The following PLCB4 variants were observed in gnomAD, a reference collection of about 807,000 sequenced individuals.
The protein encoded by PLCB4 is 1-phosphatidylinositol 4,5-bisphosphate phosphodiesterase beta-4.
PLCB4 carries 77 observed loss-of-function variants against 178.8 expected under a neutral mutation model. That is an observed-to-expected ratio of 0.43 (90% CI 0.36 to 0.52). The LOEUF is 0.52. Ranked by LOEUF, PLCB4 falls within the 20% of genes least tolerant of loss-of-function variation. The pLI is 0.00. For missense variants in PLCB4, 1,024 were observed against 1,453.4 expected, an observed-to-expected ratio of 0.70 and a Z score of 4.80; for synonymous variants, 496 against 490.8, an observed-to-expected ratio of 1.01 and a Z score of -0.14.
intron 2 of PLCB4, among the ~76,000 whole-genome samples, chr20:9,108,780 G>A (rs1426591887): frequency 6.6e-6 from 1 of 151,822 alleles, no homozygotes; most frequent in Non-Finnish European, 1.5e-5. Flanking sequence ...ATATAAGCTG[G>A]TTGATCCAGG....
rs145576721 is a variant in PLCB4 at position 9,316,911 on chromosome 20, T to C, written c.84+9013T>C. On this transcript the variant is annotated intron_variant, in intron 4 of 39. Transcript: ENST00000378473. Reference sequence around the variant, plus strand: ...TCATGCTCCCAAAGCTCAGAGCTCATTGTCATCCAAGCATGAGACCTTTAA... The same window carrying C: ...TCATGCTCCCAAAGCTCAGAGCTCACTGTCATCCAAGCATGAGACCTTTAA... 5.9e-5 allele frequency among the ~76,000 whole-genome samples: 9 copies of C among 152,316 alleles called. No homozygotes were observed. The East Asian group carries it at 1.7e-3, about 29-fold the overall frequency.
At chr20:9,329,387 C>T (rs2031279818) in intron 4 of PLCB4, among the ~76,000 whole-genome samples, 1 of 152,156 alleles carries the variant, frequency 6.6e-6, no homozygotes, top group African/African-American at 2.4e-5. Context: ...AAAAATGGTA[C>T]CTCCCTCATA....
At chr20:9,136,029 A>G (rs918280788) in intron 2 of PLCB4, among the ~76,000 whole-genome samples, 7 of 152,134 alleles carry the variant, frequency 4.6e-5, no homozygotes, top group Admixed American at 3.9e-4. Flanking sequence ...CAAGCTGGGG[A>G]CTAGAAGTCA....
chr20:9,421,973 C>T (rs1309548949), intron 27 of PLCB4, among the ~76,000 whole-genome samples: 2 of 152,100 alleles, frequency 1.3e-5, no homozygotes, highest in East Asian at 1.9e-4. Flanking sequence ...CTCCTAATAC[C>T]GTATGTTGGA....
intron 3 of PLCB4, among the ~76,000 whole-genome samples, chr20:9,273,338 T>A (rs552375894): frequency 6.6e-6 from 1 of 152,260 alleles, no homozygotes; most frequent in Admixed American, 6.5e-5. Context: ...AAGTAAGCAC[T>A]GTGATTATTC....
At chr20:9,365,611 G>T in intron 9 of PLCB4, 97 bp downstream of exon 9, 1 of 627,242 alleles carries the variant, frequency 1.6e-6, no homozygotes, top group Non-Finnish European at 2.8e-6. Flanking sequence ...TGTGTTAAAT[G>T]CTTTAAAGAT....
At chr20:9,271,633 C>T (rs146014508) in intron 3 of PLCB4, among the ~76,000 whole-genome samples, 193 of 152,124 alleles carry the variant, frequency 1.3e-3, no homozygotes, top group Middle Eastern at 0.01. Flanking sequence ...AAAATGTTTC[C>T]GAACAATGTG....
rs1446039217 is a variant in PLCB4 at position 9,239,757 on chromosome 20, T to C, written c.-16+22305T>C. Among the ~76,000 whole-genome samples the C allele has an allele frequency of 3.3e-5, 5 of 152,166 alleles. No individual in the cohort carries two copies. The East Asian group carries it at 9.6e-4, about 29-fold the overall frequency. On this transcript the variant is annotated intron_variant, in intron 3 of 39. Transcript: ENST00000378473. ...AAGCTGAGGAGCAAGGAAGCCAGTC[T>C]GAGTCTCAAAACCTCAAAAGTAGGG...
At chr20:9,424,796 G>C (rs879620285) in intron 28 of PLCB4, among the ~76,000 whole-genome samples, 1 of 152,146 alleles carries the variant, frequency 6.6e-6, no homozygotes, top group Non-Finnish European at 1.5e-5. Flanking sequence ...GCGCATGGGG[G>C]TGGGCGGGGT....
intron 2 of PLCB4, among the ~76,000 whole-genome samples, chr20:9,152,420 C>A (rs2092707204): frequency 6.6e-6 from 1 of 152,080 alleles, no homozygotes; most frequent in Non-Finnish European, 1.5e-5. Flanking sequence ...GGACATAGTG[C>A]CTTGTGTCCA....
chr20:9,377,265 C>T (rs1162263897), intron 12 of PLCB4, among the ~76,000 whole-genome samples: 1 of 152,116 alleles, frequency 6.6e-6, no homozygotes, highest in Non-Finnish European at 1.5e-5. Flanking sequence ...TTACAAAGCA[C>T]TGGATACCAT....
intron 20 of PLCB4, among the ~76,000 whole-genome samples, chr20:9,403,104 A>G (rs2039163646): frequency 6.6e-6 from 1 of 152,180 alleles, no homozygotes; most frequent in Non-Finnish European, 1.5e-5. Flanking sequence ...TGCCTGGTAC[A>G]TGGTAACTCC....
At chr20:9,114,594 G>A (rs2146710853) in intron 2 of PLCB4, among the ~76,000 whole-genome samples, 1 of 152,254 alleles carries the variant, frequency 6.6e-6, no homozygotes, top group Non-Finnish European at 1.5e-5. Flanking sequence ...TACTCAGCAA[G>A]GTAATGAGTG....
chr20:9,389,966 G>T lies in PLCB4; in HGVS notation c.1238+8G>T. On this transcript the variant is annotated splice_region_variant and intron_variant, in intron 16 of 39. Coordinates refer to ENST00000378473, the MANE Select transcript of PLCB4 (RefSeq NM_001377142.1). Reference sequence around the variant, plus strand: ...CTTTGAAAATCACTGCAGGTATAATGATCCATTCTGCCACAAGTCTCTATG... The same window carrying T: ...CTTTGAAAATCACTGCAGGTATAATTATCCATTCTGCCACAAGTCTCTATG... The T allele has an allele frequency of 7.0e-7, 1 of 1,437,530 alleles. No homozygotes were observed. The highest frequency in any genetic ancestry group is 1.1e-5 in the South Asian group (1 of 87,282). 89.0% of individuals were successfully genotyped at this position (1,437,530 alleles called of 1,614,324 possible).
intron 14 of PLCB4, among the ~76,000 whole-genome samples, chr20:9,386,181 G>A (rs78539639): frequency 6.6e-6 from 1 of 151,954 alleles, no homozygotes. Flanking sequence ...GAAGTCCGGG[G>A]CAGGGAGGCT....
At chr20:9,311,667 T>A (rs1479483023) in intron 4 of PLCB4, among the ~76,000 whole-genome samples, 1 of 152,180 alleles carries the variant, frequency 6.6e-6, no homozygotes, top group Non-Finnish European at 1.5e-5. Flanking sequence ...TCCCTCCTCA[T>A]CCTGGAGCTG....
chr20:9,475,652 G>A (rs762104549), intron 38 of PLCB4, among the ~76,000 whole-genome samples: 1 of 152,172 alleles, frequency 6.6e-6, no homozygotes, highest in Non-Finnish European at 1.5e-5. Flanking sequence ...GAGTTTCTGT[G>A]TTAAGCTTTG....
intron 30 of PLCB4, among the ~76,000 whole-genome samples, chr20:9,439,511 G>A (rs1473472925): frequency 1.3e-5 from 2 of 152,194 alleles, no homozygotes; most frequent in Non-Finnish European, 2.9e-5. Flanking sequence ...GATTTTATCT[G>A]ATCTAAGAAG....
At chr20:9,362,079 C>T (rs1251445577) in intron 7 of PLCB4, among the ~76,000 whole-genome samples, 1 of 152,186 alleles carries the variant, frequency 6.6e-6, no homozygotes, top group East Asian at 1.9e-4. Context: ...AAGGAATCAG[C>T]TTATGTGTGG....
Sources: gnomAD v4.1 joint callset for allele counts (sites outside exome capture counted in the v4.1 genomes callset) on GRCh38, gnomAD v4.1.1 for gene constraint, MANE v1.5 for transcripts, NCBI Gene and HGNC (gene_info 2026-07-23, HGNC 2026-07-21) for gene names.